Variants in RADIL observed in about 807,000 individuals in gnomAD.
RADIL encodes the protein Rap associating with DIL domain, also known as ras-associating and dilute domain-containing protein.
RADIL carries 99 observed loss-of-function variants against 97.6 expected under a neutral mutation model. The ratio of observed to expected loss-of-function variants is 1.01; its 90% CI spans 0.86 to 1.20. The LOEUF is 1.20. RADIL is among the 50% of genes most tolerant of loss of function. RADIL has a pLI of 0.00. For synonymous variants in RADIL, 803 were observed against 691.8 expected (o/e 1.16, Z -2.52); for missense variants, 1,765 against 1,498.9 (o/e 1.18, Z -2.93).
At chr7:4,871,639 C>T (rs1562459069) in intron 2 of RADIL, among the ~76,000 whole-genome samples, 1 of 152,210 alleles carries the variant, frequency 6.6e-6, no homozygotes, top group Non-Finnish European at 1.5e-5. Context: ...CAAGCCACAT[C>T]CACACTCCTG....
rs765536194 is a variant in RADIL at position 4,815,411 on chromosome 7, T to C, written c.2006A>G (p.Gln669Arg). ...GAGCTGCTGCAGGCGGGCGCAGGCC[T>C]GGACACCTCTGGGCCAGTGGAAGCA... ...LSCFHWPRGV[Q>R]ACARLQQLLE... The change falls in exon 9 of 15, where the codon CAG becomes CGG. Residue 669 changes from glutamine (Q) to arginine (R), a missense_variant. Transcript: ENST00000399583. This position sits in a 1 kb window ranked among gnomAD's most constrained non-coding sequence, Gnocchi z 8.0. 1.8e-5 allele frequency: 28 copies of C among 1,559,210 alleles called. No individual in the cohort carries two copies. The highest frequency in any genetic ancestry group is 3.9e-5 in the Admixed American group (2 of 51,538).
intron 2 of RADIL, among the ~76,000 whole-genome samples, chr7:4,856,962 A>G (rs1159861956): frequency 1.3e-5 from 2 of 152,234 alleles, no homozygotes; most frequent in African/African-American, 4.8e-5. Context: ...AAAGCTGAAA[A>G]TATTTACTAT....
At chr7:4,863,358 T>C (rs1328696242) in intron 2 of RADIL, among the ~76,000 whole-genome samples, 3 of 152,246 alleles carry the variant, frequency 2.0e-5, no homozygotes, top group Non-Finnish European at 4.4e-5. Flanking sequence ...TAATTCCGAA[T>C]GCTCTTGAGA....
At position 4,819,786 on chromosome 7, in the gene RADIL, G is replaced by C. The variant is rs1246923011; in HGVS notation, c.1616-2435C>G. On this transcript the variant is annotated intron_variant, in intron 6 of 14. Transcript: ENST00000399583. The surrounding 1 kb of genome is among the most constrained non-coding windows in gnomAD (Gnocchi z 5.8). ...CCTTCTAGGGGCTATTTCCCACTCTGTTCCCTGGTGCCTGCCTGGCCCTCG... is the reference window on the plus strand; with the variant it reads ...CCTTCTAGGGGCTATTTCCCACTCTCTTCCCTGGTGCCTGCCTGGCCCTCG... 6.6e-6 allele frequency among the ~76,000 whole-genome samples: 1 copy of C among 152,188 alleles called. No homozygotes were observed. Among genetic ancestry groups the C allele is most frequent in the East Asian group, 1.9e-4 (1 of 5,176 alleles).
chr7:4,816,468 G>A lies in RADIL; in HGVS notation c.1729-3C>T. On this transcript the variant is annotated splice_region_variant and splice_polypyrimidine_tract_variant and intron_variant, in intron 7 of 14. Coordinates refer to ENST00000399583, the MANE Select transcript of RADIL (RefSeq NM_018059.5). ...GCCGGGAGGCAGATGTACAGGGACT[G>A]GCGGGGGCAAGAGGAGAACAGCAAC... The A allele has an allele frequency of 1.2e-6, 2 of 1,601,796 alleles. No homozygotes were observed. Among genetic ancestry groups the A allele is most frequent in the Non-Finnish European group, 8.5e-7 (1 of 1,173,258 alleles).
Position 4,836,546 on chromosome 7 carries a change from C to T in RADIL, c.595G>A (p.Ala199Thr), listed in dbSNP as rs770838033. ...RSRAKGTPTP[A>T]LGDARSSPPP... ...GGAGAGCTCCGGGCATCCCCCAGGG[C>T]CGGGGTCGGGGTTCCCTTCGCGCGA... is the stretch of plus-strand genomic sequence containing the variant. The change falls in exon 3 of 15, where the codon GCC becomes ACC. Residue 199 changes from alanine to threonine, a missense_variant. By Grantham distance (58) the Ala-to-Thr change is moderately conservative (BLOSUM62 0). Transcript: ENST00000399583. 19 of 1,607,718 alleles carry T rather than the reference C, an allele frequency of 1.2e-5. No individual in the cohort carries two copies. The highest frequency in any genetic ancestry group is 2.2e-5 in the East Asian group (1 of 44,870).
chr7:4,810,663 T>A (rs977326669), intron 9 of RADIL, among the ~76,000 whole-genome samples: 1 of 152,140 alleles, frequency 6.6e-6, no homozygotes. Context: ...GTCGGGGAAA[T>A]TGCTCAATCG....
At chr7:4,843,355 C>T (rs1783494238) in intron 2 of RADIL, among the ~76,000 whole-genome samples, 1 of 152,102 alleles carries the variant, frequency 6.6e-6, no homozygotes, top group East Asian at 1.9e-4. Flanking sequence ...ACCGGGGACG[C>T]GCTGCTCAAT....
chr7:4,878,961 A>G lies in RADIL; in HGVS notation c.-64-758T>C, dbSNP rs1201639473. Among the ~76,000 whole-genome samples, 1 of 152,260 alleles carries G rather than the reference A, an allele frequency of 6.6e-6. No homozygotes were observed. Among genetic ancestry groups the G allele is most frequent in the African/African-American group, 2.4e-5 (1 of 41,478 alleles). ...GCAACCAGGAAAACAGGCGAATCGC[A>G]GCCACGTTGGCAGAATAGACCATCA... On this transcript the variant is annotated intron_variant, in intron 1 of 14. Coordinates refer to ENST00000399583, the MANE Select transcript of RADIL (RefSeq NM_018059.5). The surrounding 1 kb of genome is among the most constrained non-coding windows in gnomAD (Gnocchi z 4.1).
intron 4 of RADIL, among the ~76,000 whole-genome samples, chr7:4,832,863 G>A (rs1783187117): frequency 6.6e-6 from 1 of 152,186 alleles, no homozygotes; most frequent in African/African-American, 2.4e-5. Context: ...AAGGAATGAG[G>A]ACGGGGCAGC....
intron 13 of RADIL, 104 bp from the exon 14 acceptor site, chr7:4,799,873 T>C (rs1316860880): frequency 1.4e-6 from 2 of 1,402,530 alleles, no homozygotes; most frequent in African/African-American, 1.5e-5. Context: ...CCGCCTGGCA[T>C]CCAGCCAGGC....
chr7:4,836,661 G>T, intron 2 of RADIL, 56 bp from the exon 3 acceptor site: 1 of 1,594,800 alleles, frequency 6.3e-7, no homozygotes, highest in Non-Finnish European at 8.5e-7. Flanking sequence ...ACCAGGACTG[G>T]GCGCGGTGGC....
intron 10 of RADIL, among the ~76,000 whole-genome samples, chr7:4,804,897 C>G (rs1172437628): frequency 6.6e-6 from 1 of 151,822 alleles, no homozygotes; most frequent in Non-Finnish European, 1.5e-5. Flanking sequence ...GAGTTCGAGA[C>G]CAGCCTGGCT....
intron 2 of RADIL, among the ~76,000 whole-genome samples, chr7:4,844,054 A>C (rs1431970059): frequency 1.3e-5 from 2 of 152,180 alleles, no homozygotes; most frequent in Non-Finnish European, 2.9e-5. Flanking sequence ...CATCAGGAAC[A>C]AGACAAGGAT....
intron 6 of RADIL, among the ~76,000 whole-genome samples, chr7:4,820,932 G>C (rs528576457): frequency 1.3e-5 from 2 of 152,196 alleles, no homozygotes; most frequent in Admixed American, 1.3e-4. Flanking sequence ...GGCATGGGGG[G>C]GCACAGCAGG....
intron 2 of RADIL, chr7:4,865,492 T>C: frequency 1.3e-6 from 1 of 781,180 alleles, no homozygotes; most frequent in South Asian, 1.4e-5. Context: ...AATTCGTAAC[T>C]CTCTTTGCTG....
At chr7:4,865,606 G>T in intron 2 of RADIL, 1 of 809,574 alleles carries the variant, frequency 1.2e-6, no homozygotes, top group South Asian at 1.3e-5. Flanking sequence ...TCTTGCTCTT[G>T]CTCCTTTCGA....
chr7:4,805,836 C>T (rs1583263274), intron 9 of RADIL, 120 bp from the exon 10 acceptor site: 1 of 1,438,542 alleles, frequency 7.0e-7, no homozygotes, highest in East Asian at 2.5e-5. Flanking sequence ...GGTCCTCACT[C>T]CCACCAGGGG....
chr7:4,838,070 G>C, intron 2 of RADIL: 1 of 985,244 alleles, frequency 1.0e-6, no homozygotes, highest in Non-Finnish European at 1.2e-6. Context: ...AGCCCGCAGG[G>C]GGCCAGGGCG....
Sources: allele counts gnomAD v4.1 joint callset (sites outside exome capture counted in the v4.1 genomes callset), GRCh38; gene constraint gnomAD v4.1.1; non-coding constraint Gnocchi (gnomAD v3.1); transcripts MANE v1.5; gene names NCBI Gene and HGNC (gene_info 2026-07-23, HGNC 2026-07-21).